The following VPS13B variants were observed in gnomAD, a reference collection of about 807,000 sequenced individuals.
VPS13B encodes intermembrane lipid transfer protein VPS13B.
A neutral mutation model predicts 426.4 loss-of-function variants in VPS13B; 285 were observed. That is an observed-to-expected ratio of 0.67 (90% CI 0.61 to 0.74). VPS13B has a LOEUF of 0.74. Among genes scored for constraint, VPS13B ranks in the 30% least tolerant of loss-of-function variants. The pLI, the probability that VPS13B is intolerant of heterozygous loss-of-function variation, is 0.00. For synonymous variants in VPS13B, 1,676 were observed against 1,676.4 expected, an observed-to-expected ratio of 1.00 and a Z score of 0.01; for missense variants, 4,537 against 4,782.6, an observed-to-expected ratio of 0.95 and a Z score of 1.51.
chr8:99,342,606 T>C (rs1179607812), intron 19 of VPS13B, among the ~76,000 whole-genome samples: 3 of 152,208 alleles, frequency 2.0e-5, no homozygotes, highest in Non-Finnish European at 4.4e-5. Context: ...TAGTAGTCTA[T>C]TGTGTATATA....
chr8:99,653,751 G>A (rs1829914346), intron 34 of VPS13B, among the ~76,000 whole-genome samples: 2 of 152,136 alleles, frequency 1.3e-5, no homozygotes, highest in Non-Finnish European at 2.9e-5. Context: ...AGTGGACATT[G>A]ATGGTCAAAC....
intron 33 of VPS13B, among the ~76,000 whole-genome samples, chr8:99,581,447 A>C (rs1826054454): frequency 6.6e-6 from 1 of 152,212 alleles, no homozygotes; most frequent in Non-Finnish European, 1.5e-5. Context: ...AAAATTTTCC[A>C]ATATTTTTGC....
intron 16 of VPS13B, among the ~76,000 whole-genome samples, chr8:99,179,422 A>T (rs1204736025): frequency 6.6e-6 from 1 of 151,730 alleles, no homozygotes; most frequent in Non-Finnish European, 1.5e-5. Context: ...GGCTTTCTAC[A>T]CTCATCTGAA....
chr8:99,563,455 A>G (rs921858285), intron 31 of VPS13B, among the ~76,000 whole-genome samples: 7 of 152,228 alleles, frequency 4.6e-5, no homozygotes, highest in Non-Finnish European at 7.3e-5. Flanking sequence ...GCACAGGCAC[A>G]TAAGCAAAAA....
chr8:99,375,445 G>T (rs571230184), intron 19 of VPS13B, among the ~76,000 whole-genome samples: 1 of 152,088 alleles, frequency 6.6e-6, no homozygotes, highest in Admixed American at 6.6e-5. Flanking sequence ...TACATCCTAC[G>T]AGAAGAGGAA....
At chr8:99,458,682 T>A (rs1818655825) in intron 23 of VPS13B, among the ~76,000 whole-genome samples, 1 of 152,242 alleles carries the variant, frequency 6.6e-6, no homozygotes, top group African/African-American at 2.4e-5. Flanking sequence ...ATGATGAGCA[T>A]GTTTTCATGT....
At chr8:99,585,746 A>C (rs1198692553) in intron 33 of VPS13B, among the ~76,000 whole-genome samples, 1 of 152,200 alleles carries the variant, frequency 6.6e-6, no homozygotes, top group African/African-American at 2.4e-5. Flanking sequence ...AAGACTAGAT[A>C]CTTTCCCCCT....
At chr8:99,842,815 A>G (rs1338545209) in intron 54 of VPS13B, among the ~76,000 whole-genome samples, 2 of 152,202 alleles carry the variant, frequency 1.3e-5, no homozygotes, top group Non-Finnish European at 2.9e-5. Flanking sequence ...TGTACTAAGT[A>G]GAAACCAGTA....
At chr8:99,503,091 C>T in intron 27 of VPS13B, 141 bp downstream of exon 27, 1 of 630,294 alleles carries the variant, frequency 1.6e-6, no homozygotes, top group Non-Finnish European at 2.8e-6. Flanking sequence ...GAGTTTGGCT[C>T]CAGACTATTC....
At chr8:99,053,247 G>A (rs1172737776) in intron 3 of VPS13B, among the ~76,000 whole-genome samples, 2 of 151,718 alleles carry the variant, frequency 1.3e-5, no homozygotes, top group Non-Finnish European at 2.9e-5. Context: ...CCATTAACTC[G>A]TCATTAAGCA....
intron 17 of VPS13B, among the ~76,000 whole-genome samples, chr8:99,201,203 A>G (rs1339850061): frequency 6.6e-6 from 1 of 152,134 alleles, no homozygotes; most frequent in African/African-American, 2.4e-5. Flanking sequence ...CCACCAAAAT[A>G]ACTGTATCTG....
intron 17 of VPS13B, among the ~76,000 whole-genome samples, chr8:99,259,416 C>A (rs1817927159): frequency 6.6e-6 from 1 of 151,980 alleles, no homozygotes; most frequent in Non-Finnish European, 1.5e-5. Context: ...CCCTAATGTT[C>A]TTTGGCAACC....
chr8:99,257,126 G>C (rs944109069), intron 17 of VPS13B, among the ~76,000 whole-genome samples: 2 of 152,134 alleles, frequency 1.3e-5, no homozygotes, highest in Admixed American at 1.3e-4. Context: ...GACAAAACTT[G>C]CATCCTTAAG....
chr8:99,428,482 C>T (rs1241364280), intron 21 of VPS13B, among the ~76,000 whole-genome samples: 2 of 152,160 alleles, frequency 1.3e-5, no homozygotes, highest in East Asian at 3.8e-4. Context: ...AGGATATGAG[C>T]AGACACTTCT....
chr8:99,740,043 G>A (rs561150002), intron 39 of VPS13B, among the ~76,000 whole-genome samples: 4 of 152,248 alleles, frequency 2.6e-5, no homozygotes, highest in South Asian at 2.1e-4. Flanking sequence ...GAGGAAGTAC[G>A]AACCCATGGC....
chr8:99,451,714 C>T (rs1341972050), intron 23 of VPS13B, among the ~76,000 whole-genome samples: 2 of 152,172 alleles, frequency 1.3e-5, no homozygotes, highest in Non-Finnish European at 2.9e-5. Context: ...CTGTATGGAA[C>T]TCTATCTCCG....
intron 33 of VPS13B, among the ~76,000 whole-genome samples, chr8:99,605,726 T>C (rs537141226): frequency 1.3e-5 from 2 of 152,328 alleles, no homozygotes; most frequent in Non-Finnish European, 2.9e-5. Flanking sequence ...TCCTCTAATA[T>C]TGCTTTTAGC....
In VPS13B at chr8:99,832,553, C is replaced by G; in HGVS notation, c.9515C>G (p.Ser3172Ter). ...TCTCCTGCCCCAGGTGCTGACAGCTCACAGTGCTGGAGCCTGCCAGCTATA... is the reference window on the plus strand; with the variant it reads ...TCTCCTGCCCCAGGTGCTGACAGCTGACAGTGCTGGAGCCTGCCAGCTATA... ...GFSPAPGADSSQCWSLPAIVR... is the reference protein window; with the variant it reads ...GFSPAPGADS The change falls in exon 52 of 62, where the codon TCA (serine) becomes TGA (stop). Residue 3172 changes from serine to a stop codon, truncating the protein, a stop_gained. Coordinates refer to ENST00000357162, the MANE Select transcript of VPS13B (RefSeq NM_152564.5). LOFTEE classifies it high-confidence loss of function. The G allele has an allele frequency of 6.2e-7, 1 of 1,613,866 alleles. No homozygotes were observed. Among genetic ancestry groups the G allele is most frequent in the Non-Finnish European group, 8.5e-7 (1 of 1,179,984 alleles).
chr8:99,253,980 A>G (rs1817630845), intron 17 of VPS13B, among the ~76,000 whole-genome samples: 1 of 152,174 alleles, frequency 6.6e-6, no homozygotes, highest in African/African-American at 2.4e-5. Context: ...TTCCAGTTCA[A>G]GTGAAATATA....
Sources: allele counts gnomAD v4.1 joint callset (sites outside exome capture counted in the v4.1 genomes callset), GRCh38; gene constraint gnomAD v4.1.1; transcripts MANE v1.5; gene names NCBI Gene and HGNC (gene_info 2026-07-23, HGNC 2026-07-21).